Variants in SYNE3 observed in about 807,000 individuals in gnomAD.
The protein encoded by SYNE3 is nesprin-3.
SYNE3 carries 100 observed loss-of-function variants against 111.2 expected under a neutral mutation model. That is an observed-to-expected ratio of 0.90 (90% CI 0.77 to 1.06). SYNE3 has a LOEUF of 1.06. Among genes scored for constraint, SYNE3 ranks in the 50% least tolerant of loss-of-function variants. The probability of loss-of-function intolerance (pLI) is 0.00; values close to 1 mark genes in which losing one functional copy is unlikely to be tolerated. For synonymous variants in SYNE3, 547 were observed against 533.9 expected, an observed-to-expected ratio of 1.02 and a Z score of -0.34; for missense variants, 1,160 against 1,240.3, an observed-to-expected ratio of 0.94 and a Z score of 0.97.
At chr14:95,448,574 G>A (rs569823104) in intron 8 of SYNE3, among the ~76,000 whole-genome samples, 70 of 152,336 alleles carry the variant, frequency 4.6e-4, no homozygotes, top group African/African-American at 1.7e-3. Flanking sequence ...TGTAATCCCA[G>A]CTACTTGGGA....
At chr14:95,473,976 G>A (rs1888715903) in intron 2 of SYNE3, among the ~76,000 whole-genome samples, 1 of 150,652 alleles carries the variant, frequency 6.6e-6, no homozygotes, top group African/African-American at 2.5e-5. Flanking sequence ...GACAGTGGCT[G>A]GAGCTAAGGC....
chr14:95,435,121 C>T (rs1886013733), intron 15 of SYNE3, among the ~76,000 whole-genome samples: 1 of 151,844 alleles, frequency 6.6e-6, no homozygotes, highest in East Asian at 1.9e-4. Context: ...TAGATACAAT[C>T]TGTAAAAAGC....
intron 1 of SYNE3, among the ~76,000 whole-genome samples, chr14:95,495,093 CAGAGCG>C (rs1890030770): frequency 6.8e-6 from 1 of 147,302 alleles, no homozygotes; most frequent in African/African-American, 2.5e-5. Context: ...GCCTGGGCAA[CAGAGCG>C]AGACTCAGTC....
intron 6 of SYNE3, among the ~76,000 whole-genome samples, chr14:95,454,585 G>A (rs938924257): frequency 1.3e-5 from 2 of 152,240 alleles, no homozygotes; most frequent in African/African-American, 4.8e-5. Context: ...TAACTGCAGG[G>A]TAACCTGTTC....
intron 11 of SYNE3, among the ~76,000 whole-genome samples, chr14:95,440,974 GCTCT>G (rs1886383481): frequency 6.6e-6 from 1 of 152,170 alleles, no homozygotes. Flanking sequence ...CTATTGTTCA[GCTCT>G]CTGTCACCAG....
Position 95,514,314 on chromosome 14 carries a change from T to C in SYNE3, c.-15+2282A>G, listed in dbSNP as rs370828138. On this transcript the variant is annotated intron_variant, in intron 1 of 17. Coordinates refer to ENST00000682763, the MANE Select transcript of SYNE3 (RefSeq NM_152592.6). ...TTGACCAATGGGCCACATCAATGGG[T>C]CAGCTGTTTGGGGTCAAGAGCCTCC... Among the ~76,000 whole-genome samples the C allele has an allele frequency of 3.9e-5, 6 of 152,148 alleles. No homozygotes were observed. The East Asian group carries it at 9.7e-4, about 25-fold the overall frequency.
At chr14:95,512,149 C>T (rs1358847507) in intron 1 of SYNE3, among the ~76,000 whole-genome samples, 2 of 152,066 alleles carry the variant, frequency 1.3e-5, no homozygotes, top group East Asian at 1.9e-4. Flanking sequence ...CATTAAAGAT[C>T]GTGTCTCCTA....
chr14:95,410,911 T>C lies in SYNE3; in HGVS notation c.*6915A>G, dbSNP rs1313778856. The C allele has an allele frequency of 6.6e-6, 1 of 152,350 alleles. No individual in the cohort carries two copies. The highest frequency in any genetic ancestry group is 1.5e-5 in the Non-Finnish European group (1 of 68,184). 9.4% of individuals were successfully genotyped at this position (152,350 alleles called of 1,614,324 possible). A position where few individuals can be genotyped will look rare whatever the true frequency, so the allele number is the denominator to read the frequency against. On this transcript the variant is annotated 3_prime_UTR_variant, in exon 18 of 18. Coordinates refer to ENST00000682763, the MANE Select transcript of SYNE3 (RefSeq NM_152592.6). ...GGGAGGTGGTAAGGAACTGGACCAA[T>C]GTCACACAGCCCATCAGCAGCAGAG...
At chr14:95,427,316 C>A (rs548696729) in intron 17 of SYNE3, among the ~76,000 whole-genome samples, 7 of 152,258 alleles carry the variant, frequency 4.6e-5, no homozygotes, top group Admixed American at 4.6e-4. Context: ...AACGGAGTCT[C>A]CCTTTTCCCA....
At chr14:95,440,839 T>C (rs1193859480) in intron 11 of SYNE3, among the ~76,000 whole-genome samples, 1 of 152,290 alleles carries the variant, frequency 6.6e-6, no homozygotes, top group East Asian at 1.9e-4. Context: ...ATATTCTGTG[T>C]TTTAGTTGGG....
intron 1 of SYNE3, among the ~76,000 whole-genome samples, chr14:95,482,290 C>A (rs1163711794): frequency 1.3e-5 from 2 of 152,138 alleles, no homozygotes; most frequent in East Asian, 3.9e-4. Context: ...AAAAATTAGC[C>A]AGGCGTGATA....
intron 1 of SYNE3, among the ~76,000 whole-genome samples, chr14:95,512,908 G>A (rs74798068): frequency 0.08 from 12,134 of 151,980 alleles, 642 homozygotes; most frequent in Non-Finnish European, 0.12. Flanking sequence ...ACACTCACAA[G>A]CCTACCACTG....
rs1208926746 is a variant in SYNE3, at chr14:95,460,680, C to T, written c.628-3342G>A. Among the ~76,000 whole-genome samples, 5 of 152,284 alleles carry T rather than the reference C, an allele frequency of 3.3e-5. No individual in the cohort carries two copies. The South Asian group carries it at 6.2e-4, about 19-fold the overall frequency. ...CCGCCTGCAGCCCTAAGGATGGCTC[C>T]GGGGCTTCGGCAAGCTCCCCTGCTG... On this transcript the variant is annotated intron_variant, in intron 4 of 17. Coordinates refer to ENST00000682763, the MANE Select transcript of SYNE3 (RefSeq NM_152592.6).
chr14:95,474,830 G>A (rs1368899933), intron 2 of SYNE3, among the ~76,000 whole-genome samples: 1 of 152,214 alleles, frequency 6.6e-6, no homozygotes, highest in Non-Finnish European at 1.5e-5. Context: ...TGGGTGACTG[G>A]TTTGCTGCGG....
At position 95,417,854 on chromosome 14, in the gene SYNE3, A is replaced by C. The variant is rs752219918; in HGVS notation, c.2900T>G (p.Leu967Arg). The C allele has an allele frequency of 6.2e-7, 1 of 1,614,238 alleles. No homozygotes were observed. The highest frequency in any genetic ancestry group is 8.5e-7 in the Non-Finnish European group (1 of 1,180,046). The change falls in exon 18 of 18, where the codon CTG (leucine) becomes CGG (arginine). Residue 967 changes from leucine to arginine, a missense_variant. By Grantham distance (102) the Leu-to-Arg change is moderately radical. Coordinates refer to ENST00000682763, the MANE Select transcript of SYNE3 (RefSeq NM_152592.6). ...NNFARSFTLM[L>R]RYNGPPPT ...GGTGGGTGGTGGGCCATTGTAGCGC[A>C]GCATGAGCGTGAAGGAGCGGGCGAA...
chr14:95,464,789 C>G (rs928954880), intron 4 of SYNE3, among the ~76,000 whole-genome samples: 1 of 152,226 alleles, frequency 6.6e-6, no homozygotes, highest in Non-Finnish European at 1.5e-5. Flanking sequence ...GGACAACACC[C>G]CCCAAGGAAA....
At chr14:95,496,940 C>T (rs1890118619) in intron 1 of SYNE3, among the ~76,000 whole-genome samples, 1 of 152,234 alleles carries the variant, frequency 6.6e-6, no homozygotes, top group Non-Finnish European at 1.5e-5. Context: ...GATCCGGAGC[C>T]ATTGTTTTCT....
At chr14:95,511,900 G>C (rs377649275) in intron 1 of SYNE3, among the ~76,000 whole-genome samples, 9 of 150,072 alleles carry the variant, frequency 6.0e-5, no homozygotes. Flanking sequence ...AGCCTGGAGA[G>C]AAGTGTATTC....
intron 2 of SYNE3, among the ~76,000 whole-genome samples, chr14:95,472,341 C>CA (rs1412971878): frequency 6.6e-6 from 1 of 152,204 alleles, no homozygotes; most frequent in African/African-American, 2.4e-5. Context: ...CGTGCCACTG[C>CA]ACTCCAGCCT....
Sources: gnomAD v4.1 joint callset for allele counts (sites outside exome capture counted in the v4.1 genomes callset) on GRCh38, gnomAD v4.1.1 for gene constraint, MANE v1.5 for transcripts, NCBI Gene and HGNC (gene_info 2026-07-23, HGNC 2026-07-21) for gene names.